Variants in ASH1L observed in about 807,000 individuals in gnomAD.
The protein encoded by ASH1L is histone-lysine N-methyltransferase ASH1L.
A neutral mutation model predicts 269.0 loss-of-function variants in ASH1L; 23 were observed. That is an observed-to-expected ratio of 0.09 (90% confidence interval 0.06 to 0.12). The LOEUF (loss-of-function observed/expected upper bound fraction) is 0.12. ASH1L is among the 10% of genes least tolerant of loss of function. The pLI is 1.00. For synonymous variants in ASH1L, 1,187 were observed against 1,253.5 expected, an observed-to-expected ratio of 0.95 and a Z score of 1.12; for missense variants, 2,912 against 3,567.8, an observed-to-expected ratio of 0.82 and a Z score of 4.68.
At chr1:155,405,803 C>G (rs951607843) in intron 6 of ASH1L, among the ~76,000 whole-genome samples, 2 of 143,800 alleles carry the variant, frequency 1.4e-5, no homozygotes, top group Non-Finnish European at 3.0e-5. Flanking sequence ...GCACTCCAGT[C>G]TGGGTGAGAG....
At position 155,504,628 on chromosome 1, in the gene ASH1L, C is replaced by T. The variant is rs531106190; in HGVS notation, c.420+16472G>A. 1.7e-4 allele frequency among the ~76,000 whole-genome samples: 26 copies of T among 152,110 alleles called. 1 individual carries two copies. Among genetic ancestry groups the T allele is most frequent in the African/African-American group, 5.8e-4 (24 of 41,504 alleles). ...CAGCACTTTGGGAGGCCAAGGCAGTCGGATCACCTGAGGTCAGGAGTTCAA... is the reference window on the plus strand; with the variant it reads ...CAGCACTTTGGGAGGCCAAGGCAGTTGGATCACCTGAGGTCAGGAGTTCAA... On this transcript the variant is annotated intron_variant, in intron 2 of 27. Coordinates refer to ENST00000392403, the MANE Select transcript of ASH1L (RefSeq NM_018489.3).
At chr1:155,560,598 C>G (rs1002361049) in intron 1 of ASH1L, among the ~76,000 whole-genome samples, 5 of 152,186 alleles carry the variant, frequency 3.3e-5, no homozygotes, top group African/African-American at 1.2e-4. Context: ...ACGTTGTACC[C>G]AGGCTATTTA....
chr1:155,525,375 G>T (rs1362433295), intron 1 of ASH1L, among the ~76,000 whole-genome samples: 1 of 151,998 alleles, frequency 6.6e-6, no homozygotes, highest in Non-Finnish European at 1.5e-5. Context: ...AAAACCTAGT[G>T]ATAAAACTTG....
At chr1:155,543,441 C>T (rs1479077441) in intron 1 of ASH1L, among the ~76,000 whole-genome samples, 1 of 136,734 alleles carries the variant, frequency 7.3e-6, no homozygotes, top group African/African-American at 2.8e-5. Flanking sequence ...ACCCAGGAGG[C>T]AGAGGTTGCA....
At chr1:155,532,750 G>A (rs1029707820) in intron 1 of ASH1L, among the ~76,000 whole-genome samples, 2 of 150,902 alleles carry the variant, frequency 1.3e-5, no homozygotes, top group Non-Finnish European at 2.9e-5. Context: ...TTGAACCCAG[G>A]AGGCACAGGT....
rs1361162757 is a variant in ASH1L at position 155,562,149 on chromosome 1, T to C, written c.-100+4A>G. On this transcript the variant is annotated splice_donor_region_variant and intron_variant, in intron 1 of 27. Transcript: ENST00000392403. ...CGAATGCCGGCCCAAATCGTTCTAC[T>C]CACCGTGTCGGAGGCCGAGGCCGAG... The C allele has an allele frequency of 3.2e-6, 5 of 1,549,472 alleles. No homozygotes were observed. The highest frequency in any genetic ancestry group is 4.4e-6 in the Non-Finnish European group (5 of 1,129,890).
chr1:155,550,900 T>A (rs1009407555), intron 1 of ASH1L, among the ~76,000 whole-genome samples: 1 of 152,188 alleles, frequency 6.6e-6, no homozygotes, highest in African/African-American at 2.4e-5. Context: ...CATGGCTGAC[T>A]GCAGCCTCGA....
intron 5 of ASH1L, among the ~76,000 whole-genome samples, chr1:155,430,456 T>A (rs1413541172): frequency 6.6e-6 from 1 of 152,150 alleles, no homozygotes; most frequent in Non-Finnish European, 1.5e-5. Context: ...TCAGGTAATT[T>A]CTTTTGAGTA....
chr1:155,507,302 A>G (rs552143216), intron 2 of ASH1L, among the ~76,000 whole-genome samples: 51 of 151,896 alleles, frequency 3.4e-4, no homozygotes, highest in Non-Finnish European at 6.5e-4. Context: ...AAAACGCTTC[A>G]CTGAAATTCA....
rs1260301330 is a variant in ASH1L, at chr1:155,480,568, A to T, written c.2302T>A (p.Ser768Thr). ...AKFMKNIGPP[S>T]FVDHDFLKRR... ...TTAAGGAAGTCATGATCTACAAATG[A>T]AGGGGGTCCAATGTTTTTCATAAAC... is the stretch of plus-strand genomic sequence containing the variant. Residue 768 changes from serine to threonine, a missense_variant, in exon 3 of 28, where the codon TCA (serine) becomes ACA (threonine). Physicochemically the swap from Ser to Thr is moderately conservative, Grantham distance 58 (BLOSUM62 1). Coordinates refer to ENST00000392403, the MANE Select transcript of ASH1L (RefSeq NM_018489.3). 6.2e-7 allele frequency: 1 copy of T among 1,614,116 alleles called. No individual in the cohort carries two copies. Among genetic ancestry groups the T allele is most frequent in the Non-Finnish European group, 8.5e-7 (1 of 1,179,992 alleles).
intron 1 of ASH1L, among the ~76,000 whole-genome samples, chr1:155,538,333 G>A (rs1200606956): frequency 1.3e-5 from 2 of 149,086 alleles, no homozygotes; most frequent in African/African-American, 4.9e-5. Context: ...ATGAGCTATG[G>A]CACCTGGCGT....
chr1:155,341,959 G>A lies in ASH1L; in HGVS notation c.8437C>T (p.Leu2813Phe). Reference protein sequence around the residue: ...PYAFDHFPKKLTPKKDFSPHY... With the variant: ...PYAFDHFPKKFTPKKDFSPHY... ...ACCGAGAAATCTTTTTTGGGAGTGA[G>A]CTTCTTGGGGAAGTGATCAAAAGCA... The change falls in exon 25 of 28, where the codon CTC becomes TTC. Residue 2813 changes from leucine (L) to phenylalanine (F), a missense_variant. By Grantham distance (22) the Leu-to-Phe change is conservative. Around this residue, in one of 13 missense-constraint regions of ASH1L, gnomAD observed 179 missense variants for 293.8 expected, o/e 0.61. Coordinates refer to ENST00000392403, the MANE Select transcript of ASH1L (RefSeq NM_018489.3). 3.7e-6 allele frequency: 6 copies of A among 1,614,024 alleles called. No individual in the cohort carries two copies. In the South Asian group the frequency reaches 6.6e-5, roughly 18 times the overall value.
chr1:155,532,160 G>A (rs1247638626), intron 1 of ASH1L, among the ~76,000 whole-genome samples: 1 of 151,990 alleles, frequency 6.6e-6, no homozygotes, highest in African/African-American at 2.4e-5. Flanking sequence ...TGCAATTTTG[G>A]GATTTATGTT....
intron 4 of ASH1L, among the ~76,000 whole-genome samples, chr1:155,458,632 A>G (rs1018915429): frequency 6.6e-6 from 1 of 152,150 alleles, no homozygotes; most frequent in Admixed American, 6.5e-5. Flanking sequence ...CAAGAGAATC[A>G]CTTGAACCCA....
At chr1:155,557,067 T>C (rs1448489827) in intron 1 of ASH1L, among the ~76,000 whole-genome samples, 2 of 152,018 alleles carry the variant, frequency 1.3e-5, no homozygotes, top group African/African-American at 4.8e-5. Context: ...TGGAAAAAAG[T>C]ATACAACCTT....
At chr1:155,517,114 T>C (rs1668545897) in intron 2 of ASH1L, among the ~76,000 whole-genome samples, 1 of 152,184 alleles carries the variant, frequency 6.6e-6, no homozygotes, top group African/African-American at 2.4e-5. Context: ...AAAATCCATA[T>C]GGAATCTCAA....
At chr1:155,401,477 CAA>C (rs545010671) in intron 6 of ASH1L, among the ~76,000 whole-genome samples, 24 of 65,824 alleles carry the variant, frequency 3.6e-4, no homozygotes, top group Admixed American at 3.5e-4. Flanking sequence ...GACTCCATCT[CAA>C]AAAAAAAAAA....
chr1:155,372,204 C>A (rs188998065), intron 10 of ASH1L, among the ~76,000 whole-genome samples: 2 of 151,712 alleles, frequency 1.3e-5, no homozygotes, highest in East Asian at 3.9e-4. Context: ...GTTGGCCAGG[C>A]TGGTTTCGAA....
chr1:155,510,526 G>A (rs1490238438), intron 2 of ASH1L, among the ~76,000 whole-genome samples: 1 of 150,696 alleles, frequency 6.6e-6, no homozygotes, highest in Non-Finnish European at 1.5e-5. Flanking sequence ...ATAGAAAAAA[G>A]ATACAGAGCA....
Sources: allele counts gnomAD v4.1 joint callset (sites outside exome capture counted in the v4.1 genomes callset), GRCh38; gene constraint gnomAD v4.1.1; regional missense constraint gnomAD v4.1.1; transcripts MANE v1.5; gene names NCBI Gene and HGNC (gene_info 2026-07-23, HGNC 2026-07-21).